PPP5C: variants seen among roughly 807,000 people sequenced by gnomAD.
PPP5C encodes serine/threonine-protein phosphatase 5.
Under a neutral mutation model 66.7 loss-of-function variants are expected in PPP5C, and 21 were observed. That is an observed-to-expected ratio of 0.31 (90% confidence interval 0.22 to 0.45). The LOEUF is 0.45. Ranked by LOEUF, PPP5C falls within the 20% of genes least tolerant of loss-of-function variation. The probability of loss-of-function intolerance (pLI) is 1.00; values close to 1 mark genes in which losing one functional copy is unlikely to be tolerated. For synonymous variants in PPP5C, 246 were observed against 257.4 expected (o/e 0.96, Z 0.43); for missense variants, 464 against 675.9 (o/e 0.69, Z 3.48).
At position 46,388,650 on chromosome 19, in the gene PPP5C, G is replaced by A. The variant is rs772647399; in HGVS notation, c.1274G>A (p.Arg425His). The change falls in exon 11 of 13, where the codon CGC becomes CAC. Residue 425 changes from arginine (R) to histidine (H), a missense_variant. Physicochemically the swap from Arg to His is conservative, Grantham distance 29 (BLOSUM62 0). Around this residue, in one of 2 missense-constraint regions of PPP5C, gnomAD observed 387 missense variants for 626.0 expected, o/e 0.62. Coordinates refer to ENST00000012443, the MANE Select transcript of PPP5C (RefSeq NM_006247.4). The surrounding 1 kb of genome is among the most constrained non-coding windows in gnomAD (Gnocchi z 4.9). Reference protein sequence around the residue: ...LEENNLDYIIRSHEVKAEGYE... With the variant: ...LEENNLDYIIHSHEVKAEGYE... The stretch of plus-strand genomic sequence containing the variant: ...GAGAACAACCTGGACTATATCATCC[G>A]CAGCCACGAAGTCAAGGCCGAGGGC... The A allele has an allele frequency of 2.5e-6, 4 of 1,614,178 alleles. No individual in the cohort carries two copies. Among genetic ancestry groups the A allele is most frequent in the East Asian group, 2.2e-5 (1 of 44,880 alleles).
At chr19:46,375,838 G>A (rs1601434681) in intron 3 of PPP5C, 87 bp downstream of exon 3, 1 of 1,494,122 alleles carries the variant, frequency 6.7e-7, no homozygotes, top group African/African-American at 1.4e-5. Flanking sequence ...TTGGGCTCAG[G>A]GGTGGCCCCT....
At chr19:46,350,189 TGGGTGGGGCTGGAGGGTGAGAAGGGA>T (rs1309194584) in intron 1 of PPP5C, among the ~76,000 whole-genome samples, 3 of 151,966 alleles carry the variant, frequency 2.0e-5, no homozygotes, top group African/African-American at 7.3e-5. Flanking sequence ...AGACCAGGGC[TGGGTGGGGCTGGAGGGTGAGAAGGGA>T]GTGGCTGAAT....
chr19:46,350,713 G>T (rs554813578), intron 1 of PPP5C, among the ~76,000 whole-genome samples: 1 of 152,220 alleles, frequency 6.6e-6, no homozygotes, highest in Non-Finnish European at 1.5e-5. Context: ...GCTAGGAGTG[G>T]CCCTGTTTGT....
intron 1 of PPP5C, among the ~76,000 whole-genome samples, chr19:46,347,578 T>G: frequency 1.5e-5 from 2 of 130,418 alleles, no homozygotes; most frequent in African/African-American, 3.0e-5. Context: ...AAATGGGGAG[T>G]CCTGGGGTGG....
rs1382030620 is a variant in PPP5C, at chr19:46,383,766, C to T, written c.700-14C>T. On this transcript the variant is annotated splice_polypyrimidine_tract_variant and intron_variant, in intron 5 of 12. Transcript: ENST00000012443. The surrounding 1 kb of genome is among the most constrained non-coding windows in gnomAD (Gnocchi z 5.0). ...TCTCGGCCCGTCCCTCTCCGGTGGCCTCTTTTCTTTCAGACAGAGAAGATT... is the reference window on the plus strand; with the variant it reads ...TCTCGGCCCGTCCCTCTCCGGTGGCTTCTTTTCTTTCAGACAGAGAAGATT... The T allele has an allele frequency of 6.2e-7, 1 of 1,604,462 alleles. No individual in the cohort carries two copies. Among genetic ancestry groups the T allele is most frequent in the Non-Finnish European group, 8.5e-7 (1 of 1,171,252 alleles).
At chr19:46,358,939 G>A (rs540044774) in intron 2 of PPP5C, among the ~76,000 whole-genome samples, 20 of 152,196 alleles carry the variant, frequency 1.3e-4, no homozygotes, top group African/African-American at 4.6e-4. Flanking sequence ...ATGGGGAGTG[G>A]GACATGACTG....
intron 2 of PPP5C, among the ~76,000 whole-genome samples, chr19:46,369,214 T>TA (rs1256197912): frequency 6.6e-6 from 1 of 152,238 alleles, no homozygotes; most frequent in Non-Finnish European, 1.5e-5. Context: ...TGTTACAGCT[T>TA]ACTGCATACA....
rs1972299580 is a variant in PPP5C, at chr19:46,357,064, TGA to T, written c.363+3083_363+3084del. ...TTGTTTTTGTTTTTTGTTTTTTGTTTGAGAGAGAGTCTTGCTCTGTCACCCAG... is the reference window on the plus strand; with the variant it reads ...TTGTTTTTGTTTTTTGTTTTTTGTTTGAGAGAGTCTTGCTCTGTCACCCAG... On this transcript the variant is annotated intron_variant, in intron 2 of 12. Transcript: ENST00000012443. Among the ~76,000 whole-genome samples, 9 of 152,316 alleles carry T rather than the reference TGA, an allele frequency of 5.9e-5. No individual in the cohort carries two copies. The South Asian group carries it at 1.7e-3, about 28-fold the overall frequency.
chr19:46,366,399 G>A (rs981828575), intron 2 of PPP5C, among the ~76,000 whole-genome samples: 2 of 152,006 alleles, frequency 1.3e-5, no homozygotes, highest in Admixed American at 1.3e-4. Flanking sequence ...AGGCTAGAGT[G>A]CAGTGGCACC....
intron 2 of PPP5C, among the ~76,000 whole-genome samples, chr19:46,363,875 G>C (rs1037354688): frequency 2.0e-5 from 3 of 152,176 alleles, no homozygotes; most frequent in Non-Finnish European, 4.4e-5. Flanking sequence ...AAGTTACAGA[G>C]ATCAAGGAGC....
At chr19:46,356,528 G>C (rs933391251) in intron 2 of PPP5C, among the ~76,000 whole-genome samples, 1 of 152,178 alleles carries the variant, frequency 6.6e-6, no homozygotes, top group African/African-American at 2.4e-5. Flanking sequence ...GCCCAGCACT[G>C]CTGGGAGCCC....
chr19:46,369,711 A>T (rs755222253), intron 2 of PPP5C, among the ~76,000 whole-genome samples: 7 of 151,246 alleles, frequency 4.6e-5, no homozygotes, highest in Non-Finnish European at 1.0e-4. Context: ...GCAGATCACG[A>T]GGTCAGGAGT....
At chr19:46,373,295 A>G (rs1291234455) in intron 2 of PPP5C, among the ~76,000 whole-genome samples, 2 of 152,212 alleles carry the variant, frequency 1.3e-5, no homozygotes, top group Admixed American at 6.5e-5. Context: ...GCTTTGGCGC[A>G]GTTTCGCCTG....
At position 46,390,374 on chromosome 19, in the gene PPP5C, A is replaced by G; in HGVS notation, c.*28A>G. 6.4e-7 allele frequency: 1 copy of G among 1,557,468 alleles called. No homozygotes were observed. Among genetic ancestry groups the G allele is most frequent in the Non-Finnish European group, 8.7e-7 (1 of 1,150,644 alleles). Reference sequence around the variant, plus strand: ...TGACGGGCGGGGCGGCCTGCATCCCAGGGCCCCTCCAATCCCACCGGACCC... The same window carrying G: ...TGACGGGCGGGGCGGCCTGCATCCCGGGGCCCCTCCAATCCCACCGGACCC... On this transcript the variant is annotated 3_prime_UTR_variant, in exon 13 of 13. Transcript: ENST00000012443.
chr19:46,371,880 C>A (rs910020234), intron 2 of PPP5C, among the ~76,000 whole-genome samples: 4 of 152,140 alleles, frequency 2.6e-5, no homozygotes, highest in Admixed American at 6.5e-5. Flanking sequence ...ATTCAGAATG[C>A]CCTGTTACAC....
At chr19:46,382,907 TTA>T (rs1157036243) in intron 4 of PPP5C, 1 of 1,081,256 alleles carries the variant, frequency 9.2e-7, no homozygotes, top group Non-Finnish European at 1.1e-6. Flanking sequence ...TAGACATCTA[TTA>T]GTATTTTAAT....
chr19:46,354,085 A>T, intron 2 of PPP5C, 96 bp downstream of exon 2: 1 of 1,487,022 alleles, frequency 6.7e-7, no homozygotes, highest in Non-Finnish European at 9.0e-7. Context: ...TCACTCCTCT[A>T]CTTACCACTC....
chr19:46,381,237 CAT>C (rs1320448659), intron 4 of PPP5C, among the ~76,000 whole-genome samples: 1 of 152,064 alleles, frequency 6.6e-6, no homozygotes, highest in African/African-American at 2.4e-5. Flanking sequence ...CTCTGTGTCT[CAT>C]GTGTTCATGC....
At position 46,390,007 on chromosome 19, in the gene PPP5C, A is replaced by G. The variant is rs1460432773; in HGVS notation, c.1356-44A>G. 4 of 1,586,492 alleles carry G rather than the reference A, an allele frequency of 2.5e-6. No individual in the cohort carries two copies. In the East Asian group the frequency reaches 9.0e-5, roughly 36 times the overall value. On this transcript the variant is annotated intron_variant, in intron 11 of 12. Transcript: ENST00000012443. ...TTCCTTCTCTTAACCCACCAGCCCC[A>G]CCCAGCCCTGACCACACTGTCCACT...
Sources: allele counts gnomAD v4.1 joint callset (sites outside exome capture counted in the v4.1 genomes callset), GRCh38; gene constraint gnomAD v4.1.1; regional missense constraint gnomAD v4.1.1; non-coding constraint Gnocchi (gnomAD v3.1); transcripts MANE v1.5; gene names NCBI Gene and HGNC (gene_info 2026-07-23, HGNC 2026-07-21).